LRRN3: variants seen among roughly 807,000 people sequenced by gnomAD.
LRRN3 encodes leucine-rich repeat neuronal protein 3.
A neutral mutation model predicts 40.1 loss-of-function variants in LRRN3; 15 were observed. The ratio of observed to expected loss-of-function variants is 0.37; its 90% CI spans 0.25 to 0.58. The LOEUF (loss-of-function observed/expected upper bound fraction) is 0.58. Ranked by LOEUF, LRRN3 falls within the 20% of genes least tolerant of loss-of-function variation. The probability of loss-of-function intolerance (pLI) is 0.72; values close to 1 mark genes in which losing one functional copy is unlikely to be tolerated. For missense variants in LRRN3, 746 were observed against 837.7 expected, an observed-to-expected ratio of 0.89 and a Z score of 1.35; for synonymous variants, 308 against 297.2, an observed-to-expected ratio of 1.04 and a Z score of -0.37.
At chr7:111,108,299 G>T (rs1798779521) in intron 2 of LRRN3, among the ~76,000 whole-genome samples, 1 of 152,006 alleles carries the variant, frequency 6.6e-6, no homozygotes, top group Non-Finnish European at 1.5e-5. Flanking sequence ...TCTTTTTGTT[G>T]TTGATACAGC....
chr7:111,097,715 T>C (rs368409949), intron 1 of LRRN3, among the ~76,000 whole-genome samples: 3 of 151,874 alleles, frequency 2.0e-5, no homozygotes, highest in African/African-American at 7.2e-5. Context: ...TAATGGGGTC[T>C]AAATTTAATT....
Position 111,125,092 on chromosome 7 carries a change from A to G in LRRN3, c.*193A>G. The stretch of plus-strand genomic sequence containing the variant: ...TATGTACAACTTCAGCATTTTAAGT[A>G]ACTGGCTTCAAGGGGTACTGTGGCA... On this transcript the variant is annotated 3_prime_UTR_variant, in exon 3 of 3. Transcript: ENST00000308478. 2.0e-6 allele frequency: 1 copy of G among 498,296 alleles called. No homozygotes were observed. Among genetic ancestry groups the G allele is most frequent in the Non-Finnish European group, 3.6e-6 (1 of 278,994 alleles). 30.9% of individuals were successfully genotyped at this position (498,296 alleles called of 1,614,324 possible).
intron 2 of LRRN3, among the ~76,000 whole-genome samples, chr7:111,116,877 G>A (rs1318862970): frequency 6.6e-6 from 1 of 152,110 alleles, no homozygotes; most frequent in African/African-American, 2.4e-5. Flanking sequence ...ATAAACATTT[G>A]AGAGAAAGTA....
In LRRN3 at chr7:111,122,743, C is replaced by A; in HGVS notation, c.-30C>A. ...GCACTGACTGTGGAATCCTTAAGGG[C>A]CCATTACATTTCTGAAGAAGAAAGC... On this transcript the variant is annotated 5_prime_UTR_variant, in exon 3 of 3. Coordinates refer to ENST00000308478, the MANE Select transcript of LRRN3 (RefSeq NM_001099658.2). 1 of 1,560,792 alleles carries A rather than the reference C, an allele frequency of 6.4e-7. No individual in the cohort carries two copies. Among genetic ancestry groups the A allele is most frequent in the Non-Finnish European group, 8.8e-7 (1 of 1,142,000 alleles).
Position 111,100,805 on chromosome 7 carries a change from G to A in LRRN3, c.-359+843G>A, listed in dbSNP as rs527599821. 2.8e-4 allele frequency among the ~76,000 whole-genome samples: 42 copies of A among 151,594 alleles called. 1 individual carries two copies. The East Asian group carries it at 7.0e-3, about 25-fold the overall frequency. ...TCTAAGATCTTTATCATTTCTTAGG[G>A]AATGGAAATCAGTAATGAAATAAGG... On this transcript the variant is annotated intron_variant, in intron 2 of 2. Coordinates refer to ENST00000308478, the MANE Select transcript of LRRN3 (RefSeq NM_001099658.2).
chr7:111,099,246 C>A (rs1194637258), intron 1 of LRRN3, among the ~76,000 whole-genome samples: 1 of 151,664 alleles, frequency 6.6e-6, no homozygotes, highest in Non-Finnish European at 1.5e-5. Flanking sequence ...TTATAATAAG[C>A]TTTCCTTGTA....
intron 2 of LRRN3, among the ~76,000 whole-genome samples, chr7:111,115,118 T>C (rs1799720560): frequency 6.6e-6 from 1 of 152,114 alleles, no homozygotes; most frequent in Non-Finnish European, 1.5e-5. Flanking sequence ...TGGGACCATA[T>C]AAATGCTAAA....
Position 111,124,568 on chromosome 7 carries a change from A to G in LRRN3, c.1796A>G (p.Tyr599Cys), listed in dbSNP as rs1169755464. ...YKICIDIPTI[Y>C]QKNRKKCVNV... ...ATTTGTATTGATATTCCCACCATCTATCAGAAAAACAGAAAAAAATGTGTA... is the reference window on the plus strand; with the variant it reads ...ATTTGTATTGATATTCCCACCATCTGTCAGAAAAACAGAAAAAAATGTGTA... The change falls in exon 3 of 3, where the codon TAT becomes TGT. Residue 599 changes from tyrosine to cysteine, a missense_variant. Physicochemically the swap from Tyr to Cys is radical, Grantham distance 194. Coordinates refer to ENST00000308478, the MANE Select transcript of LRRN3 (RefSeq NM_001099658.2). 1 of 1,613,862 alleles carries G rather than the reference A, an allele frequency of 6.2e-7. No individual in the cohort carries two copies. Among genetic ancestry groups the G allele is most frequent in the Non-Finnish European group, 8.5e-7 (1 of 1,179,940 alleles).
In LRRN3 at chr7:111,123,497, CTT is replaced by C; in HGVS notation, c.729_730del (p.Phe243LeufsTer3). 1 of 1,613,836 alleles carries C rather than the reference CTT, an allele frequency of 6.2e-7. No individual in the cohort carries two copies. The highest frequency in any genetic ancestry group is 8.5e-7 in the Non-Finnish European group (1 of 1,179,916). On this transcript the variant is annotated frameshift_variant, in exon 3 of 3. Coordinates refer to ENST00000308478, the MANE Select transcript of LRRN3 (RefSeq NM_001099658.2). LOFTEE classifies it high-confidence loss of function. This position sits in a 1 kb window ranked among gnomAD's most constrained non-coding sequence, Gnocchi z 6.4. Reference sequence around the variant, plus strand: ...GGACTGGAAAACTTAGAAAGCATCTCTTTTTACGATAACAGGCTTATTAAAGT... The same window carrying C: ...GGACTGGAAAACTTAGAAAGCATCTCTTTACGATAACAGGCTTATTAAAGT...
At chr7:111,115,422 TA>T (rs1799760286) in intron 2 of LRRN3, among the ~76,000 whole-genome samples, 1 of 152,014 alleles carries the variant, frequency 6.6e-6, no homozygotes, top group South Asian at 2.1e-4. Flanking sequence ...AGAATTTTCA[TA>T]AAAAATGACA....
chr7:111,105,538 G>A (rs914112937), intron 2 of LRRN3, among the ~76,000 whole-genome samples: 11 of 151,840 alleles, frequency 7.2e-5, no homozygotes, highest in Admixed American at 2.6e-4. Flanking sequence ...ACAAAAATGG[G>A]TTGCTGTAGC....
chr7:111,114,620 C>T (rs372811711), intron 2 of LRRN3, among the ~76,000 whole-genome samples: 6 of 151,482 alleles, frequency 4.0e-5, no homozygotes, highest in African/African-American at 1.5e-4. Context: ...CCTGTAATCC[C>T]AGCCACTTGG....
intron 2 of LRRN3, among the ~76,000 whole-genome samples, chr7:111,119,372 C>T (rs1460431716): frequency 6.6e-6 from 1 of 152,138 alleles, no homozygotes; most frequent in African/African-American, 2.4e-5. Flanking sequence ...TGAAATTTTA[C>T]TAAAGAAATC....
intron 2 of LRRN3, among the ~76,000 whole-genome samples, chr7:111,109,227 A>G (rs897465617): frequency 6.6e-6 from 1 of 152,190 alleles, no homozygotes; most frequent in Admixed American, 6.5e-5. Flanking sequence ...TGCCAGCTAC[A>G]TGATAAACCA....
rs542726274 is a variant in LRRN3 at position 111,107,676 on chromosome 7, C to T, written c.-359+7714C>T. 5.9e-5 allele frequency among the ~76,000 whole-genome samples: 9 copies of T among 152,084 alleles called. 1 individual carries two copies. The South Asian group carries it at 1.0e-3, about 18-fold the overall frequency. ...TCTCAAATATGAAATACAATAGATGCGTTTCATGCTCTGATTAAATGTCAA... is the reference window on the plus strand; with the variant it reads ...TCTCAAATATGAAATACAATAGATGTGTTTCATGCTCTGATTAAATGTCAA... On this transcript the variant is annotated intron_variant, in intron 2 of 2. Coordinates refer to ENST00000308478, the MANE Select transcript of LRRN3 (RefSeq NM_001099658.2).
At chr7:111,098,235 CCT>C (rs1797604988) in intron 1 of LRRN3, among the ~76,000 whole-genome samples, 1 of 151,688 alleles carries the variant, frequency 6.6e-6, no homozygotes, top group South Asian at 2.1e-4. Flanking sequence ...TATATTTGTT[CCT>C]CTTATTGTCA....
chr7:111,108,672 T>A (rs1416010415), intron 2 of LRRN3, among the ~76,000 whole-genome samples: 2 of 152,282 alleles, frequency 1.3e-5, no homozygotes, highest in Middle Eastern at 3.4e-3. Flanking sequence ...ATTGTTACAC[T>A]TTTGTAATCT....
chr7:111,113,626 T>A (rs1032816692), intron 2 of LRRN3, among the ~76,000 whole-genome samples: 6 of 151,430 alleles, frequency 4.0e-5, no homozygotes, highest in African/African-American at 1.5e-4. Context: ...AATAAAAAAA[T>A]GACTTAAAAA....
At chr7:111,100,950 T>C (rs529857995) in intron 2 of LRRN3, among the ~76,000 whole-genome samples, 6 of 151,684 alleles carry the variant, frequency 4.0e-5, no homozygotes, top group Admixed American at 1.3e-4. Flanking sequence ...CTTTTAAATA[T>C]CTTTCTATAT....
Sources: allele counts gnomAD v4.1 joint callset (sites outside exome capture counted in the v4.1 genomes callset), GRCh38; gene constraint gnomAD v4.1.1; non-coding constraint Gnocchi (gnomAD v3.1); transcripts MANE v1.5; gene names NCBI Gene and HGNC (gene_info 2026-07-23, HGNC 2026-07-21).